Variants in TENM4 observed in about 807,000 individuals in gnomAD.
The protein encoded by TENM4 is teneurin-4.
TENM4 carries 82 observed loss-of-function variants against 243.3 expected under a neutral mutation model. That is an observed-to-expected ratio of 0.34 (90% CI 0.28 to 0.40). The LOEUF (loss-of-function observed/expected upper bound fraction) is 0.40. TENM4 is among the 10% of genes least tolerant of loss of function. The pLI, the probability that TENM4 is intolerant of heterozygous loss-of-function variation, is 1.00. For synonymous variants in TENM4, 1,412 were observed against 1,456.3 expected, an observed-to-expected ratio of 0.97 and a Z score of 0.69; for missense variants, 3,138 against 3,673.3, an observed-to-expected ratio of 0.85 and a Z score of 3.77.
intron 16 of TENM4, among the ~76,000 whole-genome samples, chr11:78,785,844 C>T (rs560100296): frequency 1.3e-5 from 2 of 152,258 alleles, no homozygotes; most frequent in South Asian, 2.1e-4. Flanking sequence ...ATTCCTTTGT[C>T]TCTCCAAAGC....
intron 28 of TENM4, among the ~76,000 whole-genome samples, chr11:78,699,324 G>GT (rs1465407301): frequency 2.6e-5 from 4 of 152,206 alleles, no homozygotes; most frequent in Admixed American, 2.6e-4. Context: ...AGCCAGTGCA[G>GT]TTGAAAGAAC....
intron 3 of TENM4, among the ~76,000 whole-genome samples, chr11:79,182,216 C>T (rs926615032): frequency 6.6e-6 from 1 of 152,120 alleles, no homozygotes; most frequent in African/African-American, 2.4e-5. Context: ...ATAATCAAGA[C>T]AGCATGGTAT....
chr11:79,381,590 C>G (rs1006573466), intron 1 of TENM4, among the ~76,000 whole-genome samples: 12 of 149,722 alleles, frequency 8.0e-5, no homozygotes, highest in Admixed American at 2.7e-4. Context: ...AAATGAGCAG[C>G]CCATCTAGTG....
intron 25 of TENM4, among the ~76,000 whole-genome samples, chr11:78,715,835 C>T (rs1382073441): frequency 6.6e-6 from 1 of 152,174 alleles, no homozygotes; most frequent in Non-Finnish European, 1.5e-5. Context: ...TCATTTCGTC[C>T]TCCTGCCACC....
At chr11:78,855,470 A>T (rs1412034198) in intron 11 of TENM4, among the ~76,000 whole-genome samples, 1 of 152,238 alleles carries the variant, frequency 6.6e-6, no homozygotes, top group Non-Finnish European at 1.5e-5. Context: ...AGACTAGGGA[A>T]GAATCATTTA....
Position 78,670,257 on chromosome 11 carries a change from C to T in TENM4, c.6088G>A (p.Val2030Ile). ...GCCGTCTCGTCATAGGTGAAACTGA[C>T]CTTGGTGGTGTCATAGAGCGTCTCT... ...LAETLYDTTK[V>I]SFTYDETAGM... is the part of the protein sequence containing the mutation. The change falls in exon 32 of 34, where the codon GTC becomes ATC. Residue 2030 changes from valine (V) to isoleucine (I), a missense_variant. By Grantham distance (29) the Val-to-Ile change is conservative. Coordinates refer to ENST00000278550, the MANE Select transcript of TENM4 (RefSeq NM_001098816.3). The T allele has an allele frequency of 6.2e-7, 1 of 1,613,956 alleles. No homozygotes were observed. Among genetic ancestry groups the T allele is most frequent in the Non-Finnish European group, 8.5e-7 (1 of 1,179,894 alleles).
At chr11:78,826,801 C>T (rs1339423437) in intron 12 of TENM4, among the ~76,000 whole-genome samples, 1 of 152,172 alleles carries the variant, frequency 6.6e-6, no homozygotes, top group Non-Finnish European at 1.5e-5. Context: ...ATACTTAGAA[C>T]TTGTTAAATA....
chr11:79,396,680 C>A (rs1474779275), intron 1 of TENM4, among the ~76,000 whole-genome samples: 1 of 152,226 alleles, frequency 6.6e-6, no homozygotes, highest in African/African-American at 2.4e-5. Flanking sequence ...GCCAAAGCGT[C>A]CACTTCCCTT....
At chr11:78,886,670 G>C (rs1855555432) in intron 9 of TENM4, among the ~76,000 whole-genome samples, 1 of 152,222 alleles carries the variant, frequency 6.6e-6, no homozygotes, top group Admixed American at 6.5e-5. Flanking sequence ...GGCTGTCATG[G>C]TAGGTGTAAG....
In TENM4 at chr11:78,885,033, G is replaced by T. The variant is rs144592128; in HGVS notation, c.1084+4752C>A. On this transcript the variant is annotated intron_variant, in intron 9 of 33. Transcript: ENST00000278550. ...TGAATGATAAACAGCAGCCAAATGT[G>T]ATTTTTACTACTCTATATCACACCT... Among the ~76,000 whole-genome samples, 447 of 152,284 alleles carry T rather than the reference G, an allele frequency of 2.9e-3. 4 individuals are homozygous for T. The highest frequency in any genetic ancestry group is 0.01 in the African/African-American group (428 of 41,572).
chr11:78,940,018 G>A (rs1856856458), intron 6 of TENM4, among the ~76,000 whole-genome samples: 1 of 151,824 alleles, frequency 6.6e-6, no homozygotes, highest in African/African-American at 2.4e-5. Context: ...GGAAAAAAAT[G>A]TATAAAAGAA....
rs116562646 is a variant in TENM4 at position 79,033,421 on chromosome 11, G to A, written c.493+31317C>T. On this transcript the variant is annotated intron_variant, in intron 6 of 33. Transcript: ENST00000278550. ...AGAAGGAAGGATACTAATATTTCCT[G>A]ATCTCCTACTCTGCACAAGGCACTT... 3.4e-3 allele frequency among the ~76,000 whole-genome samples: 513 copies of A among 152,276 alleles called. 4 individuals are homozygous for A. The highest frequency in any genetic ancestry group is 0.011 in the African/African-American group (467 of 41,544).
At chr11:78,940,813 T>A (rs1371771161) in intron 6 of TENM4, among the ~76,000 whole-genome samples, 1 of 151,930 alleles carries the variant, frequency 6.6e-6, no homozygotes, top group Non-Finnish European at 1.5e-5. Flanking sequence ...AGGGCACAGG[T>A]GTGGGGAGAT....
At chr11:78,973,642 A>G (rs1233554099) in intron 6 of TENM4, among the ~76,000 whole-genome samples, 1 of 152,176 alleles carries the variant, frequency 6.6e-6, no homozygotes, top group East Asian at 1.9e-4. Context: ...CCTTGCTCTC[A>G]GAAGCTTACA....
chr11:79,208,218 A>G (rs1863888381), intron 3 of TENM4, among the ~76,000 whole-genome samples: 2 of 152,212 alleles, frequency 1.3e-5, no homozygotes, highest in Non-Finnish European at 2.9e-5. Context: ...ACAGAACACC[A>G]TGAAATTAAT....
chr11:79,231,722 G>C (rs1864377025), intron 2 of TENM4, among the ~76,000 whole-genome samples: 1 of 152,190 alleles, frequency 6.6e-6, no homozygotes, highest in South Asian at 2.1e-4. Flanking sequence ...GATTCACCCA[G>C]CTCTGAAGCC....
intron 27 of TENM4, among the ~76,000 whole-genome samples, chr11:78,705,619 A>C (rs182394983): frequency 3.2e-4 from 48 of 152,320 alleles, no homozygotes; most frequent in African/African-American, 1.1e-3. Flanking sequence ...TGTCCACCGG[A>C]ACATTCTGTG....
intron 1 of TENM4, among the ~76,000 whole-genome samples, chr11:79,316,911 G>T (rs1485871376): frequency 6.6e-6 from 1 of 152,198 alleles, no homozygotes; most frequent in African/African-American, 2.4e-5. Context: ...GCTTCAAGGG[G>T]TGACAGAACA....
At chr11:79,331,231 CT>C (rs531534182) in intron 1 of TENM4, among the ~76,000 whole-genome samples, 108 of 146,592 alleles carry the variant, frequency 7.4e-4, no homozygotes, top group African/African-American at 1.5e-3. Flanking sequence ...GATAAGTGGA[CT>C]TTTTTTTTTT....
Sources: gnomAD v4.1 joint callset for allele counts (sites outside exome capture counted in the v4.1 genomes callset) on GRCh38, gnomAD v4.1.1 for gene constraint, MANE v1.5 for transcripts, NCBI Gene and HGNC (gene_info 2026-07-23, HGNC 2026-07-21) for gene names.